The following DDX21 variants were observed in gnomAD, a reference collection of about 807,000 sequenced individuals.
DDX21 encodes DExD-box helicase 21.
A neutral mutation model predicts 90.0 loss-of-function variants in DDX21; 18 were observed. The observed-to-expected ratio is 0.20, with a 90% CI of 0.14 to 0.30. The LOEUF (loss-of-function observed/expected upper bound fraction) is 0.30, where lower values mean the gene tolerates loss of function less well. Among genes scored for constraint, DDX21 ranks in the 10% least tolerant of loss-of-function variants. The pLI, the probability that DDX21 is intolerant of heterozygous loss-of-function variation, is 1.00. For synonymous variants in DDX21, 294 were observed against 318.0 expected (o/e 0.92, Z 0.80); for missense variants, 673 against 944.5 (o/e 0.71, Z 3.77).
Position 68,977,660 on chromosome 10 carries a change from A to G in DDX21, c.1874A>G (p.Asp625Gly). The change falls in exon 12 of 15, where the codon GAC becomes GGC. Residue 625 changes from aspartate (D) to glycine (G), a missense_variant. Around this residue, in one of 4 missense-constraint regions of DDX21, gnomAD observed 225 missense variants for 298.8 expected, o/e 0.75. Transcript: ENST00000354185. ...LAHISGATSV[D>G]QRSLINSNVG... is the part of the protein sequence containing the mutation. ...CATATTTCAGGTGCCACGTCCGTAGACCAGCGCTCCTTGATCAACTCAAAT... is the reference window on the plus strand; with the variant it reads ...CATATTTCAGGTGCCACGTCCGTAGGCCAGCGCTCCTTGATCAACTCAAAT... The G allele has an allele frequency of 6.2e-7, 1 of 1,613,206 alleles. No individual in the cohort carries two copies. The highest frequency in any genetic ancestry group is 8.5e-7 in the Non-Finnish European group (1 of 1,179,322).
intron 10 of DDX21, 136 bp from the exon 11 acceptor site, chr10:68,974,534 G>A: frequency 6.1e-6 from 4 of 657,454 alleles, no homozygotes; most frequent in Non-Finnish European, 1.0e-5. Context: ...TAGCTTTTCT[G>A]TAAGTCTAAA....
At chr10:68,964,889 C>T (rs1161033981) in intron 4 of DDX21, among the ~76,000 whole-genome samples, 1 of 152,078 alleles carries the variant, frequency 6.6e-6, no homozygotes, top group Non-Finnish European at 1.5e-5. Flanking sequence ...TGACCACCCA[C>T]CTTGGCCTCC....
intron 11 of DDX21, 43 bp from the exon 12 acceptor site, chr10:68,977,486 C>T: frequency 6.6e-7 from 1 of 1,511,962 alleles, no homozygotes; most frequent in East Asian, 2.3e-5. Context: ...TGAAATGTGT[C>T]CACTTCTAGT....
At chr10:68,956,650 CA>C (rs1842800062) in intron 1 of DDX21, 1 of 1,171,860 alleles carries the variant, frequency 8.5e-7, no homozygotes, top group African/African-American at 1.6e-5. Flanking sequence ...GCGCCTCACA[CA>C]GTGCGCAGAG....
chr10:68,974,830 A>T, intron 11 of DDX21, 87 bp downstream of exon 11: 3 of 1,228,044 alleles, frequency 2.4e-6, no homozygotes, highest in Non-Finnish European at 2.3e-6. Flanking sequence ...TGACTTAAAA[A>T]AATTTTTTTT....
chr10:68,957,859 T>C (rs949499669), intron 1 of DDX21, among the ~76,000 whole-genome samples: 10 of 152,208 alleles, frequency 6.6e-5, no homozygotes, highest in African/African-American at 2.4e-4. Flanking sequence ...TCCAACATTG[T>C]TCTGGGGCTC....
intron 11 of DDX21, among the ~76,000 whole-genome samples, chr10:68,976,524 T>C (rs1157601512): frequency 6.6e-6 from 1 of 152,168 alleles, no homozygotes; most frequent in Admixed American, 6.5e-5. Context: ...CCTGACCTCA[T>C]GATCCGCCCG....
chr10:68,981,393 T>C, intron 13 of DDX21, 144 bp from the exon 14 acceptor site: 1 of 729,118 alleles, frequency 1.4e-6, no homozygotes, highest in Non-Finnish European at 2.4e-6. Flanking sequence ...TTAGCTTTGG[T>C]CTAAAGTTCA....
At chr10:68,964,719 G>A (rs1173780225) in intron 4 of DDX21, among the ~76,000 whole-genome samples, 2 of 145,870 alleles carry the variant, frequency 1.4e-5, no homozygotes, top group Admixed American at 7.0e-5. Flanking sequence ...GTTGGAGTGC[G>A]GTGGTGCAAT....
chr10:68,963,286 C>G lies in DDX21; in HGVS notation c.608-5C>G. 1 of 1,604,590 alleles carries G rather than the reference C, an allele frequency of 6.2e-7. No homozygotes were observed. ...TGTGAGATAACACAGTTAATTTGTTCATAGGCCGAGGAGTGACCTTCCTAT... is the reference window on the plus strand; with the variant it reads ...TGTGAGATAACACAGTTAATTTGTTGATAGGCCGAGGAGTGACCTTCCTAT... On this transcript the variant is annotated splice_region_variant and splice_polypyrimidine_tract_variant and intron_variant, in intron 3 of 14. Transcript: ENST00000354185.
At chr10:68,978,484 A>G (rs1351982450) in intron 12 of DDX21, among the ~76,000 whole-genome samples, 1 of 152,220 alleles carries the variant, frequency 6.6e-6, no homozygotes, top group African/African-American at 2.4e-5. Context: ...AAACTTTAGA[A>G]GGTGTATGCT....
intron 2 of DDX21, 105 bp downstream of exon 2, chr10:68,960,354 G>GT: frequency 1.7e-6 from 2 of 1,190,660 alleles, no homozygotes; most frequent in Non-Finnish European, 2.3e-6. Context: ...AAAATGTGAT[G>GT]TGTCAGCACC....
intron 9 of DDX21, 85 bp from the exon 10 acceptor site, chr10:68,973,460 C>T (rs1391232216): frequency 1.3e-6 from 2 of 1,541,274 alleles, no homozygotes; most frequent in Non-Finnish European, 1.8e-6. Flanking sequence ...ACCACAATTG[C>T]TAGTGTTCAC....
Position 68,959,838 on chromosome 10 carries a change from G to T in DDX21, c.120G>T (p.Lys40Asn). 6.4e-7 allele frequency: 1 copy of T among 1,570,512 alleles called. No individual in the cohort carries two copies. Among genetic ancestry groups the T allele is most frequent in the South Asian group, 1.2e-5 (1 of 82,284 alleles). The change falls in exon 2 of 15, where the codon AAG (lysine) becomes AAT (asparagine). Residue 40 changes from lysine (K) to asparagine (N), a missense_variant. Physicochemically the swap from Lys to Asn is moderately conservative, Grantham distance 94. Transcript: ENST00000354185. The stretch of plus-strand genomic sequence containing the variant: ...AAAAAGAGAAGCCAAAATCTGATAA[G>T]ACTGAAGAGATAGCAGAAGAGGAAG... ...KEKKEKPKSDKTEEIAEEEET... is the reference protein window; with the variant it reads ...KEKKEKPKSDNTEEIAEEEET...
chr10:68,956,716 G>A, intron 1 of DDX21: 1 of 1,030,784 alleles, frequency 9.7e-7, no homozygotes, highest in Non-Finnish European at 1.2e-6. Context: ...CCCGGCATGA[G>A]CGTGCGCGAA....
chr10:68,959,687 C>A, intron 1 of DDX21, 119 bp from the exon 2 acceptor site: 1 of 783,430 alleles, frequency 1.3e-6, no homozygotes, highest in Non-Finnish European at 1.9e-6. Flanking sequence ...TGTCGAAATG[C>A]CCCAAAATTG....
At position 68,982,988 on chromosome 10, in the gene DDX21, C is replaced by A; in HGVS notation, c.*176C>A. On this transcript the variant is annotated 3_prime_UTR_variant, in exon 15 of 15. Transcript: ENST00000354185. ...TTAAATTATTTCATCTGATCATTAT[C>A]ATTTATAACTTTATTGTTACTTCTT... is the stretch of plus-strand genomic sequence containing the variant. 2.5e-6 allele frequency: 2 copies of A among 797,148 alleles called. No individual in the cohort carries two copies. The highest frequency in any genetic ancestry group is 1.9e-6 in the Non-Finnish European group (1 of 523,956). The allele number at this position is 797,148 out of a possible 1,614,324, so 49.4% of individuals were successfully genotyped here.
intron 13 of DDX21, among the ~76,000 whole-genome samples, chr10:68,980,495 G>A (rs539729402): frequency 1.3e-3 from 191 of 152,200 alleles, no homozygotes; most frequent in African/African-American, 4.4e-3. Context: ...ACTCTACTTC[G>A]TAAATATGTA....
chr10:68,977,735 A>G, intron 12 of DDX21, 47 bp downstream of exon 12: 2 of 1,550,410 alleles, frequency 1.3e-6, no homozygotes. Context: ...TTGGGGTATG[A>G]GCAGGATATG....
Sources: allele counts gnomAD v4.1 joint callset (sites outside exome capture counted in the v4.1 genomes callset), GRCh38; gene constraint gnomAD v4.1.1; regional missense constraint gnomAD v4.1.1; transcripts MANE v1.5; gene names NCBI Gene and HGNC (gene_info 2026-07-23, HGNC 2026-07-21).